Variants in OPCML observed in about 807,000 individuals in gnomAD.
The protein encoded by OPCML is opioid binding protein/cell adhesion molecule like.
In OPCML, 13 loss-of-function variants were observed where a neutral mutation model predicts 37.8. That is an observed-to-expected ratio of 0.34 (90% CI 0.22 to 0.55). The LOEUF (loss-of-function observed/expected upper bound fraction) is 0.55. Among genes scored for constraint, OPCML ranks in the 20% least tolerant of loss-of-function variants. OPCML has a pLI of 0.91. For synonymous variants in OPCML, 176 were observed against 168.8 expected (o/e 1.04, Z -0.33); for missense variants, 341 against 435.6 (o/e 0.78, Z 1.93).
intron 1 of OPCML, among the ~76,000 whole-genome samples, chr11:133,483,940 TTAGACAGATAGA>T (rs1277322572): frequency 1.3e-5 from 2 of 149,140 alleles, no homozygotes; most frequent in South Asian, 2.1e-4. Flanking sequence ...GATAGATAGA[TTAGACAGATAGA>T]TAGACAGATT....
At chr11:133,487,773 GTT>G (rs974156178) in intron 1 of OPCML, among the ~76,000 whole-genome samples, 2 of 129,164 alleles carry the variant, frequency 1.5e-5, no homozygotes, top group Admixed American at 1.6e-4. Flanking sequence ...GATACTCTGT[GTT>G]TGTGTGTGTG....
intron 1 of OPCML, among the ~76,000 whole-genome samples, chr11:133,277,327 G>C (rs1038038749): frequency 2.6e-5 from 4 of 151,974 alleles, no homozygotes; most frequent in African/African-American, 9.7e-5. Flanking sequence ...GTGCCAATTG[G>C]TTAACATGAG....
At chr11:133,245,830 A>C (rs1372240129) in intron 1 of OPCML, among the ~76,000 whole-genome samples, 1 of 152,212 alleles carries the variant, frequency 6.6e-6, no homozygotes. Flanking sequence ...ACATGGATAA[A>C]GCCGGAAACC....
intron 1 of OPCML, among the ~76,000 whole-genome samples, chr11:133,445,437 G>A (rs1946454932): frequency 6.6e-6 from 1 of 152,186 alleles, no homozygotes; most frequent in Non-Finnish European, 1.5e-5. Context: ...TCTCTTCTGT[G>A]AGTAGAAGTA....
At chr11:132,578,620 G>A (rs1297269077) in intron 3 of OPCML, among the ~76,000 whole-genome samples, 2 of 152,078 alleles carry the variant, frequency 1.3e-5, no homozygotes, top group African/African-American at 2.4e-5. Context: ...AGCTTACAAT[G>A]GTTCAGAATG....
chr11:132,743,979 A>G (rs1465280009), intron 2 of OPCML, among the ~76,000 whole-genome samples: 3 of 152,168 alleles, frequency 2.0e-5, no homozygotes, highest in African/African-American at 4.8e-5. Context: ...ACATAGCATA[A>G]TGCTTTGTGT....
Position 133,178,368 on chromosome 11 carries a change from G to A in OPCML, c.62-235358C>T, listed in dbSNP as rs114508078. Among the ~76,000 whole-genome samples the A allele has an allele frequency of 7.3e-3, 1,108 of 152,164 alleles. 12 individuals are homozygous for A. Among genetic ancestry groups the A allele is most frequent in the African/African-American group, 0.025 (1,044 of 41,522 alleles). ...CTCCCTACTCTGGGGGACATGGTTC[G>A]CAGTCTTCTGCATGGCCTGGCCCAG... On this transcript the variant is annotated intron_variant, in intron 1 of 7. Coordinates refer to ENST00000524381, the MANE Select transcript of OPCML (RefSeq NM_001012393.5).
chr11:132,419,343 A>G lies in OPCML; in HGVS notation c.*850T>C, dbSNP rs2095949444. Reference sequence around the variant, plus strand: ...GGTAGATAATTGGATGGTGAGATAAATCAGATATTTGAGTAGATGGGTAAC... The same window carrying G: ...GGTAGATAATTGGATGGTGAGATAAGTCAGATATTTGAGTAGATGGGTAAC... On this transcript the variant is annotated 3_prime_UTR_variant, in exon 8 of 8. Transcript: ENST00000524381. 1 of 152,228 alleles carries G rather than the reference A, an allele frequency of 6.6e-6. No individual in the cohort carries two copies. The highest frequency in any genetic ancestry group is 1.5e-5 in the Non-Finnish European group (1 of 68,054). The allele number at this position is 152,228 out of a possible 1,614,324, so 9.4% of individuals were successfully genotyped here. A position where few individuals can be genotyped will look rare whatever the true frequency, so the allele number is the denominator to read the frequency against.
At chr11:132,666,548 G>T (rs1230059481) in intron 2 of OPCML, among the ~76,000 whole-genome samples, 2 of 152,204 alleles carry the variant, frequency 1.3e-5, no homozygotes, top group Admixed American at 1.3e-4. Context: ...GGTCATGTAG[G>T]GGTGGCATGG....
intron 1 of OPCML, among the ~76,000 whole-genome samples, chr11:133,234,078 TC>T (rs1940407417): frequency 3.3e-5 from 5 of 152,172 alleles, no homozygotes; most frequent in Admixed American, 2.6e-4. Flanking sequence ...TGTTCCCTTA[TC>T]AACAAGACAA....
In OPCML at chr11:133,042,479, C is replaced by T. The variant is rs151288204; in HGVS notation, c.62-99469G>A. Among the ~76,000 whole-genome samples, 28 of 152,276 alleles carry T rather than the reference C, an allele frequency of 1.8e-4. No homozygotes were observed. In the East Asian group the frequency reaches 3.9e-3, roughly 21 times the overall value. ...GCAGAGAGGCAGAGCGGGACGCAAA[C>T]GGTGCAGTAGGGAATGTAAGTGCTG... On this transcript the variant is annotated intron_variant, in intron 1 of 7. Transcript: ENST00000524381.
intron 1 of OPCML, chr11:133,298,775 G>C (rs1442463136): frequency 6.6e-6 from 1 of 152,144 alleles, no homozygotes; most frequent in Non-Finnish European, 1.5e-5. Context: ...TTTCTTCTCA[G>C]GCAGCTACAA....
At chr11:133,265,034 G>T (rs985560161) in intron 1 of OPCML, among the ~76,000 whole-genome samples, 1 of 152,122 alleles carries the variant, frequency 6.6e-6, no homozygotes, top group South Asian at 2.1e-4. Context: ...TTGATGACTC[G>T]CTGCGCCGTG....
intron 4 of OPCML, among the ~76,000 whole-genome samples, chr11:132,473,592 G>A (rs567346296): frequency 1.3e-5 from 2 of 152,284 alleles, no homozygotes; most frequent in South Asian, 2.1e-4. Flanking sequence ...TTGGGAGGCC[G>A]AGGTGGGAAA....
At chr11:132,726,694 C>T (rs1397161702) in intron 2 of OPCML, among the ~76,000 whole-genome samples, 1 of 151,984 alleles carries the variant, frequency 6.6e-6, no homozygotes, top group African/African-American at 2.4e-5. Context: ...GCTAGGAAAA[C>T]CAACCGCCAT....
At chr11:133,194,071 T>G (rs1592091468) in intron 1 of OPCML, among the ~76,000 whole-genome samples, 2 of 152,164 alleles carry the variant, frequency 1.3e-5, no homozygotes, top group Admixed American at 6.5e-5. Context: ...TGAGAAAGAA[T>G]GTTGCCTAGT....
chr11:133,422,957 G>A (rs1204982455), intron 1 of OPCML: 1 of 985,170 alleles, frequency 1.0e-6, no homozygotes, highest in African/African-American at 1.7e-5. Flanking sequence ...TGCTCTGATG[G>A]CATGTCATAT....
At chr11:132,625,747 C>G (rs1003149084) in intron 3 of OPCML, among the ~76,000 whole-genome samples, 2 of 152,114 alleles carry the variant, frequency 1.3e-5, no homozygotes, top group African/African-American at 4.8e-5. Context: ...TACCCAGCAT[C>G]TAGCATGGTG....
At chr11:132,626,651 T>C (rs1273502288) in intron 3 of OPCML, among the ~76,000 whole-genome samples, 1 of 151,620 alleles carries the variant, frequency 6.6e-6, no homozygotes, top group Non-Finnish European at 1.5e-5. Flanking sequence ...GGAGTGGCTT[T>C]AGGATTAGAA....
Sources: gnomAD v4.1 joint callset for allele counts (sites outside exome capture counted in the v4.1 genomes callset) on GRCh38, gnomAD v4.1.1 for gene constraint, MANE v1.5 for transcripts, NCBI Gene and HGNC (gene_info 2026-07-23, HGNC 2026-07-21) for gene names.